Variants in ENOX1 observed in about 807,000 individuals in gnomAD.
ENOX1 encodes the protein candidate growth-related and time keeping constitutive hydroquinone (NADH) oxidase.
In ENOX1, 42 loss-of-function variants were observed where a neutral mutation model predicts 82.5. That is an observed-to-expected ratio of 0.51 (90% CI 0.40 to 0.66). The LOEUF is 0.66. Ranked by LOEUF, ENOX1 falls within the 30% of genes least tolerant of loss-of-function variation. The pLI is 0.00. For synonymous variants in ENOX1, 271 were observed against 282.2 expected, an observed-to-expected ratio of 0.96 and a Z score of 0.40; for missense variants, 608 against 811.6, an observed-to-expected ratio of 0.75 and a Z score of 3.05.
chr13:43,353,054 C>T (rs2049912542), intron 8 of ENOX1, among the ~76,000 whole-genome samples: 1 of 152,184 alleles, frequency 6.6e-6, no homozygotes, highest in Non-Finnish European at 1.5e-5. Flanking sequence ...CAGCGCCAGT[C>T]ATATGGTAAA....
intron 16 of ENOX1, among the ~76,000 whole-genome samples, chr13:43,216,364 AAC>A (rs2041482910): frequency 6.6e-6 from 1 of 152,236 alleles, no homozygotes; most frequent in African/African-American, 2.4e-5. Flanking sequence ...TGTAAAATGT[AAC>A]ACAGTGCCTG....
intron 9 of ENOX1, among the ~76,000 whole-genome samples, chr13:43,344,245 T>C (rs1249554075): frequency 6.6e-6 from 1 of 152,134 alleles, no homozygotes; most frequent in Admixed American, 6.5e-5. Flanking sequence ...ATATGAACCA[T>C]GGTGGGTCCA....
At chr13:43,761,080 G>A (rs1493522) in intron 1 of ENOX1, among the ~76,000 whole-genome samples, 9 of 151,822 alleles carry the variant, frequency 5.9e-5, no homozygotes, top group African/African-American at 1.7e-4. Flanking sequence ...AAGATTCTAA[G>A]TGAGCTGCCC....
At chr13:43,470,272 A>G (rs866931653) in intron 3 of ENOX1, among the ~76,000 whole-genome samples, 25 of 50,678 alleles carry the variant, frequency 4.9e-4, no homozygotes, top group African/African-American at 1.4e-3. Flanking sequence ...ATATATATAC[A>G]CATATATATA....
chr13:43,541,845 A>C (rs963912391), intron 2 of ENOX1, among the ~76,000 whole-genome samples: 7 of 152,164 alleles, frequency 4.6e-5, no homozygotes, highest in African/African-American at 1.7e-4. Context: ...TCAAGTTCTG[A>C]GCTCTCTCCA....
intron 3 of ENOX1, among the ~76,000 whole-genome samples, chr13:43,430,210 G>A (rs1482939784): frequency 6.6e-6 from 1 of 152,200 alleles, no homozygotes; most frequent in Non-Finnish European, 1.5e-5. Context: ...GGATGGAGAA[G>A]AAGCTAACTT....
intron 3 of ENOX1, among the ~76,000 whole-genome samples, chr13:43,442,380 C>T (rs776067519): frequency 4.6e-5 from 7 of 152,188 alleles, no homozygotes; most frequent in Middle Eastern, 3.4e-3. Context: ...AGTTCCAGAG[C>T]CAAGAATATT....
At chr13:43,432,367 A>T (rs1373671512) in intron 3 of ENOX1, among the ~76,000 whole-genome samples, 2 of 152,218 alleles carry the variant, frequency 1.3e-5, no homozygotes, top group Non-Finnish European at 2.9e-5. Flanking sequence ...CAGGCAGGGT[A>T]CAGTGGCTAA....
At chr13:43,358,502 G>C (rs1484823687) in intron 7 of ENOX1, among the ~76,000 whole-genome samples, 1 of 152,090 alleles carries the variant, frequency 6.6e-6, no homozygotes, top group Non-Finnish European at 1.5e-5. Context: ...GATGACTGCA[G>C]TTTTCTTGGT....
chr13:43,386,310 G>A (rs2052407676), intron 5 of ENOX1, among the ~76,000 whole-genome samples: 1 of 152,190 alleles, frequency 6.6e-6, no homozygotes, highest in Non-Finnish European at 1.5e-5. Flanking sequence ...TGCTGAGGAT[G>A]TATGAAATTT....
intron 1 of ENOX1, among the ~76,000 whole-genome samples, chr13:43,673,028 GTT>G (rs1351546063): frequency 2.0e-5 from 3 of 151,988 alleles, no homozygotes; most frequent in African/African-American, 7.2e-5. Flanking sequence ...TCAATTCTTT[GTT>G]TAGTTTCACC....
At chr13:43,229,496 G>T (rs1413920718) in intron 15 of ENOX1, among the ~76,000 whole-genome samples, 1 of 152,130 alleles carries the variant, frequency 6.6e-6, no homozygotes, top group African/African-American at 2.4e-5. Flanking sequence ...GGTAGGTGGG[G>T]GCCAGATCAC....
intron 5 of ENOX1, among the ~76,000 whole-genome samples, chr13:43,388,228 TTA>T (rs2052550971): frequency 6.6e-6 from 1 of 152,138 alleles, no homozygotes; most frequent in Non-Finnish European, 1.5e-5. Context: ...GAAGAGAAAT[TTA>T]TCTTGCTCAG....
chr13:43,698,071 A>C (rs1159387633), intron 1 of ENOX1, among the ~76,000 whole-genome samples: 1 of 152,238 alleles, frequency 6.6e-6, no homozygotes, highest in Non-Finnish European at 1.5e-5. Context: ...ATATCAGCAG[A>C]GAGTAATGAT....
chr13:43,627,471 T>G, intron 2 of ENOX1, among the ~76,000 whole-genome samples: 1 of 152,058 alleles, frequency 6.6e-6, no homozygotes, highest in East Asian at 1.9e-4. Context: ...TCAGACAGTC[T>G]ATTAGTATCA....
chr13:43,618,012 T>C (rs1430549358), intron 2 of ENOX1, among the ~76,000 whole-genome samples: 1 of 152,238 alleles, frequency 6.6e-6, no homozygotes, highest in Non-Finnish European at 1.5e-5. Context: ...TTCATGTTTC[T>C]TGGCCATTTG....
intron 1 of ENOX1, among the ~76,000 whole-genome samples, chr13:43,681,434 A>T (rs541271572): frequency 2.4e-4 from 37 of 152,274 alleles, no homozygotes; most frequent in African/African-American, 7.7e-4. Context: ...CCCAAAAGCA[A>T]TATGGCTAGC....
intron 2 of ENOX1, among the ~76,000 whole-genome samples, chr13:43,500,453 A>C (rs988301433): frequency 1.3e-5 from 2 of 152,110 alleles, no homozygotes; most frequent in African/African-American, 4.8e-5. Flanking sequence ...AGAGAAAAAA[A>C]GTTGCCATCT....
At chr13:43,281,725 T>C (rs1415178437) in intron 12 of ENOX1, among the ~76,000 whole-genome samples, 2 of 152,184 alleles carry the variant, frequency 1.3e-5, no homozygotes, top group Non-Finnish European at 2.9e-5. Flanking sequence ...TCATTTGTGA[T>C]ATATGGGTAT....
Sources: allele counts gnomAD v4.1 joint callset (sites outside exome capture counted in the v4.1 genomes callset), GRCh38; gene constraint gnomAD v4.1.1; transcripts MANE v1.5; gene names NCBI Gene and HGNC (gene_info 2026-07-23, HGNC 2026-07-21).